SANBR: variants seen among roughly 807,000 people sequenced by gnomAD.
SANBR encodes the protein SANT and BTB domain regulator of CSR.
Under a neutral mutation model 101.8 loss-of-function variants are expected in SANBR, and 77 were observed. The ratio of observed to expected loss-of-function variants is 0.76; its 90% CI spans 0.63 to 0.91. The LOEUF is 0.91. Ranked by LOEUF, SANBR falls within the 40% of genes least tolerant of loss-of-function variation. The pLI, the probability that SANBR is intolerant of heterozygous loss-of-function variation, is 0.00. For missense variants in SANBR, 875 were observed against 853.0 expected (o/e 1.03, Z -0.32); for synonymous variants, 279 against 274.7 (o/e 1.02, Z -0.15).
intron 11 of SANBR, chr2:61,093,978 C>A: frequency 2.9e-6 from 1 of 345,368 alleles, no homozygotes; most frequent in Non-Finnish European, 4.1e-6. Flanking sequence ...TCTTTTGAAT[C>A]CCTAAAGTTT....
At chr2:61,091,773 A>G (rs1180901706) in intron 10 of SANBR, among the ~76,000 whole-genome samples, 2 of 152,060 alleles carry the variant, frequency 1.3e-5, no homozygotes, top group Non-Finnish European at 2.9e-5. Flanking sequence ...CAAAAACGAA[A>G]CAAAAACAAA....
intron 11 of SANBR, among the ~76,000 whole-genome samples, chr2:61,095,343 A>G (rs1466066498): frequency 6.6e-6 from 1 of 152,240 alleles, no homozygotes; most frequent in Non-Finnish European, 1.5e-5. Context: ...AGAATATTGT[A>G]TATAAGAGAA....
At chr2:61,088,673 A>C (rs1044109679) in intron 10 of SANBR, 1 of 325,748 alleles carries the variant, frequency 3.1e-6, no homozygotes, top group Non-Finnish European at 5.3e-6. Context: ...GGCGTGTGCC[A>C]CCACACCCAG....
rs1472206761 is a variant in SANBR at position 61,117,476 on chromosome 2, G to A, written c.1875G>A (p.Met625Ile). 1.6e-5 allele frequency: 26 copies of A among 1,613,598 alleles called. No individual in the cohort carries two copies. Among genetic ancestry groups the A allele is most frequent in the Non-Finnish European group, 2.2e-5 (26 of 1,179,766 alleles). Reference sequence around the variant, plus strand: ...TCAATTTTTTCAATAGTATGAGTATGCAGAAGAATAAGTGGGATGCCACAA... The same window carrying A: ...TCAATTTTTTCAATAGTATGAGTATACAGAAGAATAAGTGGGATGCCACAA... ...SRDVSPFVMS[M>I]QKNKWDATRS... Residue 625 changes from methionine to isoleucine, a missense_variant, in exon 19 of 22, where the codon ATG (methionine) becomes ATA (isoleucine). Physicochemically the swap from Met to Ile is conservative, Grantham distance 10. Coordinates refer to ENST00000402291, the MANE Select transcript of SANBR (RefSeq NM_001129993.3).
In SANBR at chr2:61,083,263, T is replaced by TCTCAGG; in HGVS notation, c.843_844insGGCTCA (p.Ser281_His282insGlySer). On this transcript the variant is annotated inframe_insertion, in exon 8 of 22. Transcript: ENST00000402291. ...CTTCTCACACGTATAGCTGATCTGT[T>TCTCAGG]CTCACACAATGAAGTTGATGATTTA... The TCTCAGG allele has an allele frequency of 2.5e-6, 4 of 1,610,874 alleles. No homozygotes were observed. Among genetic ancestry groups the TCTCAGG allele is most frequent in the Non-Finnish European group, 3.4e-6 (4 of 1,177,300 alleles).
intron 21 of SANBR, among the ~76,000 whole-genome samples, chr2:61,135,870 A>G (rs1684824754): frequency 6.6e-6 from 1 of 152,234 alleles, no homozygotes; most frequent in South Asian, 2.1e-4. Context: ...TACAAGATGG[A>G]GTTTAAATCT....
chr2:61,117,666 A>G (rs1320636953), intron 19 of SANBR, 126 bp downstream of exon 19: 4 of 790,858 alleles, frequency 5.1e-6, no homozygotes, highest in South Asian at 1.7e-5. Flanking sequence ...CCAAATTTGC[A>G]TATTCCCTTA....
chr2:61,118,144 C>G (rs1254148373), intron 20 of SANBR, 28 bp downstream of exon 20: 1 of 1,477,412 alleles, frequency 6.8e-7, no homozygotes, highest in South Asian at 1.2e-5. Context: ...GTGTATTGTA[C>G]TTGTGTAAAA....
At chr2:61,118,620 G>A (rs1684195001) in intron 20 of SANBR, among the ~76,000 whole-genome samples, 1 of 135,162 alleles carries the variant, frequency 7.4e-6, no homozygotes, top group Non-Finnish European at 1.5e-5. Context: ...GACTTGCAGT[G>A]GTGCCATCTC....
In SANBR at chr2:61,122,222, C is replaced by T; in HGVS notation, c.*60C>T. 1.3e-6 allele frequency: 2 copies of T among 1,506,638 alleles called. No homozygotes were observed. The highest frequency in any genetic ancestry group is 8.9e-7 in the Non-Finnish European group (1 of 1,125,832). The allele number at this position is 1,506,638 out of a possible 1,614,324, so 93.3% of individuals were successfully genotyped here. ...ACTCTTCTGGACATCTGAAATTGCT[C>T]ACTTCTTGAAGATCTTCAGAACAAT... On this transcript the variant is annotated 3_prime_UTR_variant, in exon 22 of 22. Coordinates refer to ENST00000402291, the MANE Select transcript of SANBR (RefSeq NM_001129993.3).
chr2:61,109,180 A>T lies in SANBR; in HGVS notation c.1645-17A>T, dbSNP rs1683704323. The stretch of plus-strand genomic sequence containing the variant: ...AATCATAATATTACATTTATAATAG[A>T]TTTTTTTTTAACTTAGAAACAACAG... On this transcript the variant is annotated splice_polypyrimidine_tract_variant and intron_variant, in intron 15 of 21. Coordinates refer to ENST00000402291, the MANE Select transcript of SANBR (RefSeq NM_001129993.3). 4 of 1,232,010 alleles carry T rather than the reference A, an allele frequency of 3.2e-6. No homozygotes were observed. Among genetic ancestry groups the T allele is most frequent in the South Asian group, 1.7e-5 (1 of 58,076 alleles). The allele number at this position is 1,232,010 out of a possible 1,614,324, so 76.3% of individuals were successfully genotyped here. A position where few individuals can be genotyped will look rare whatever the true frequency, so the allele number is the denominator to read the frequency against.
At chr2:61,104,151 A>G (rs1683425116) in intron 13 of SANBR, among the ~76,000 whole-genome samples, 153 bp downstream of exon 13, 1 of 152,158 alleles carries the variant, frequency 6.6e-6, no homozygotes, top group African/African-American at 2.4e-5. Flanking sequence ...TTACAGTAAG[A>G]GCAGACAGAT....
chr2:61,118,134 G>A lies in SANBR; in HGVS notation c.2028+18G>A, dbSNP rs773329008. On this transcript the variant is annotated intron_variant, in intron 20 of 21. Transcript: ENST00000402291. ...CAAAAGAAGTAAGAATTGTGTACTA[G>A]TGTATTGTACTTGTGTAAAATATGC... 2.6e-6 allele frequency: 4 copies of A among 1,547,258 alleles called. No individual in the cohort carries two copies. In the South Asian group the frequency reaches 3.4e-5, roughly 13 times the overall value.
chr2:61,084,113 G>A (rs962833421), intron 8 of SANBR, among the ~76,000 whole-genome samples: 2 of 151,806 alleles, frequency 1.3e-5, no homozygotes, highest in African/African-American at 4.8e-5. Flanking sequence ...GCCACCATGC[G>A]CAGCTGATTT....
At chr2:61,134,697 C>A (rs1055198276) in intron 21 of SANBR, among the ~76,000 whole-genome samples, 3 of 152,108 alleles carry the variant, frequency 2.0e-5, no homozygotes, top group African/African-American at 7.2e-5. Context: ...TTGAGACCAT[C>A]CTGGCCAACA....
chr2:61,073,421 C>CT (rs368466121), intron 4 of SANBR, 37 bp from the exon 5 acceptor site: 40,203 of 826,286 alleles, frequency 0.049, 6 homozygotes, highest in South Asian at 0.057. Flanking sequence ...TAACCCCCAC[C>CT]TTTTTTTTTT....
In SANBR at chr2:61,122,455, T is replaced by A; in HGVS notation, c.*293T>A. The A allele has an allele frequency of 9.0e-7, 1 of 1,107,764 alleles. No homozygotes were observed. Among genetic ancestry groups the A allele is most frequent in the South Asian group, 3.9e-5 (1 of 25,658 alleles). 68.6% of individuals were successfully genotyped at this position (1,107,764 alleles called of 1,614,324 possible). On this transcript the variant is annotated 3_prime_UTR_variant, in exon 22 of 22. Transcript: ENST00000402291. Reference sequence around the variant, plus strand: ...CTCCCAGTGTTTTCCTTTATTTATTTGAAAAAGAAAGGCCTAAACTGTCAG... The same window carrying A: ...CTCCCAGTGTTTTCCTTTATTTATTAGAAAAAGAAAGGCCTAAACTGTCAG...
At chr2:61,087,765 C>T (rs143871099) in intron 8 of SANBR, among the ~76,000 whole-genome samples, 4 of 151,730 alleles carry the variant, frequency 2.6e-5, no homozygotes, top group Admixed American at 6.6e-5. Flanking sequence ...GCAGGATAAT[C>T]GCTTGAACCC....
Position 61,117,498 on chromosome 2 carries a change from A to G in SANBR, c.1897A>G (p.Thr633Ala). The change falls in exon 19 of 22, where the codon ACA becomes GCA. Residue 633 changes from threonine to alanine, a missense_variant. Physicochemically the swap from Thr to Ala is moderately conservative, Grantham distance 58. Transcript: ENST00000402291. ...TATGCAGAAGAATAAGTGGGATGCC[A>G]CAAGATCCTTGAGATTCAACCAGGA... is the stretch of plus-strand genomic sequence containing the variant. ...MSMQKNKWDA[T>A]RSLRFNQDAQ... is the part of the protein sequence containing the mutation. The G allele has an allele frequency of 3.1e-6, 5 of 1,613,936 alleles. No individual in the cohort carries two copies. The highest frequency in any genetic ancestry group is 3.4e-6 in the Non-Finnish European group (4 of 1,179,904).
Sources: gnomAD v4.1 joint callset for allele counts (sites outside exome capture counted in the v4.1 genomes callset) on GRCh38, gnomAD v4.1.1 for gene constraint, MANE v1.5 for transcripts, NCBI Gene and HGNC (gene_info 2026-07-23, HGNC 2026-07-21) for gene names.